Variants in PCDHGC3 observed in about 807,000 individuals in gnomAD.
PCDHGC3 encodes protocadherin gamma-C3.
Under a neutral mutation model 59.2 loss-of-function variants are expected in PCDHGC3, and 26 were observed. The observed-to-expected ratio is 0.44, with a 90% CI of 0.32 to 0.61. The LOEUF is 0.61. Ranked by LOEUF, PCDHGC3 falls within the 20% of genes least tolerant of loss-of-function variation. The pLI, the probability that PCDHGC3 is intolerant of heterozygous loss-of-function variation, is 0.05. For missense variants in PCDHGC3, 1,080 were observed against 1,221.8 expected (o/e 0.88, Z 1.73); for synonymous variants, 487 against 519.7 (o/e 0.94, Z 0.86).
At chr5:141,507,009 C>T (rs988626142) in intron 3 of PCDHGC3, 1 of 152,154 alleles carries the variant, frequency 6.6e-6, no homozygotes, top group South Asian at 2.1e-4. Context: ...ATGAGAGAAC[C>T]GAGAAGGCAC....
rs1156927948 is a variant in PCDHGC3, at chr5:141,490,342, G to A, written c.2431-4465G>A. 16 of 1,614,126 alleles carry A rather than the reference G, an allele frequency of 9.9e-6. 1 individual carries two copies. In the Admixed American group the frequency reaches 1.3e-4, roughly 13 times the overall value. ...CCTAGAGAGCACACCAGTGGGCACA[G>A]TAGTGGGGTTGTTTAATGTGCGAGA... On this transcript the variant is annotated intron_variant, in intron 1 of 3. Coordinates refer to ENST00000308177, the MANE Select transcript of PCDHGC3 (RefSeq NM_002588.4). This position sits in a 1 kb window ranked among gnomAD's most constrained non-coding sequence, Gnocchi z 5.4.
chr5:141,509,255 T>A (rs1434555633), intron 3 of PCDHGC3, among the ~76,000 whole-genome samples: 1 of 152,158 alleles, frequency 6.6e-6, no homozygotes, highest in African/African-American at 2.4e-5. Flanking sequence ...CCTCTCCGGC[T>A]TTAGTCACTC....
At chr5:141,510,315 G>A (rs2099880567) in intron 3 of PCDHGC3, among the ~76,000 whole-genome samples, 1 of 151,324 alleles carries the variant, frequency 6.6e-6, no homozygotes, top group African/African-American at 2.4e-5. Flanking sequence ...TGGAGGCTTG[G>A]AAGAGCACTC....
At chr5:141,494,979 T>C in intron 2 of PCDHGC3, 114 bp downstream of exon 2, 1 of 1,571,464 alleles carries the variant, frequency 6.4e-7, no homozygotes, top group Admixed American at 1.8e-5. Flanking sequence ...TCCCTCAGTT[T>C]GAGATCCCAG....
At chr5:141,509,887 T>C (rs138950510) in intron 3 of PCDHGC3, among the ~76,000 whole-genome samples, 1 of 152,314 alleles carries the variant, frequency 6.6e-6, no homozygotes, top group East Asian at 1.9e-4. Flanking sequence ...TGATGGTGAC[T>C]GACTGTCCCT....
Position 141,491,712 on chromosome 5 carries a change from G to C in PCDHGC3, c.2431-3095G>C. 3.1e-6 allele frequency: 5 copies of C among 1,609,408 alleles called. No individual in the cohort carries two copies. Among genetic ancestry groups the C allele is most frequent in the Middle Eastern group, 1.7e-4 (1 of 6,024 alleles). ...GGGAGCGGAGCCAGGTGAGGGGCTCGGCGCCGCCCCGGGCGACCCCTGGGG... is the reference window on the plus strand; with the variant it reads ...GGGAGCGGAGCCAGGTGAGGGGCTCCGCGCCGCCCCGGGCGACCCCTGGGG... On this transcript the variant is annotated intron_variant, in intron 1 of 3. Transcript: ENST00000308177. The surrounding 1 kb of genome is among the most constrained non-coding windows in gnomAD (Gnocchi z 6.9).
rs898536568 is a variant in PCDHGC3 at position 141,478,080 on chromosome 5, C to T, written c.1964C>T (p.Ser655Leu). The T allele has an allele frequency of 1.9e-6, 3 of 1,614,012 alleles. No homozygotes were observed. The Admixed American group carries it at 5.0e-5, about 27-fold the overall frequency. The stretch of plus-strand genomic sequence containing the variant: ...TTGATCAAAGACAATGGGGAGCCTT[C>T]GCTCTCCACCACTGCTACCCTCACT... ...TVLIKDNGEP[S>L]LSTTATLTVS... The change falls in exon 1 of 4, where the codon TCG (serine) becomes TTG (leucine). Residue 655 changes from serine (S) to leucine (L), a missense_variant. By Grantham distance (145) the Ser-to-Leu change is moderately radical. Coordinates refer to ENST00000308177, the MANE Select transcript of PCDHGC3 (RefSeq NM_002588.4).
At position 141,491,904 on chromosome 5, in the gene PCDHGC3, G is replaced by C; in HGVS notation, c.2431-2903G>C. The C allele has an allele frequency of 7.0e-7, 1 of 1,423,838 alleles. No individual in the cohort carries two copies. The allele number at this position is 1,423,838 out of a possible 1,614,324, so 88.2% of individuals were successfully genotyped here. ...GGATGGGGCTCCGAGCACCGGGGGT[G>C]GTGGCGACTGTGGGCGAGGGGAGGT... On this transcript the variant is annotated intron_variant, in intron 1 of 3. Coordinates refer to ENST00000308177, the MANE Select transcript of PCDHGC3 (RefSeq NM_002588.4). This position sits in a 1 kb window ranked among gnomAD's most constrained non-coding sequence, Gnocchi z 6.9.
intron 1 of PCDHGC3, among the ~76,000 whole-genome samples, chr5:141,483,557 G>A (rs141633312): frequency 4.5e-4 from 69 of 152,276 alleles, no homozygotes; most frequent in Admixed American, 1.9e-3. Context: ...GCCATTCACA[G>A]AGACAGTGAA....
Position 141,477,598 on chromosome 5 carries a change from C to A in PCDHGC3, c.1482C>A (p.Phe494Leu). The A allele has an allele frequency of 6.2e-7, 1 of 1,614,180 alleles. No homozygotes were observed. The highest frequency in any genetic ancestry group is 8.5e-7 in the Non-Finnish European group (1 of 1,180,030). ...PDAPQNARLS[F>L]FLLEQGAETG... ...CCCCGCAGAATGCTCGGCTTTCTTT[C>A]TTTCTCTTGGAGCAAGGAGCTGAAA... The change falls in exon 1 of 4, where the codon TTC becomes TTA. Residue 494 changes from phenylalanine (F) to leucine (L), a missense_variant. Transcript: ENST00000308177. This position sits in a 1 kb window ranked among gnomAD's most constrained non-coding sequence, Gnocchi z 4.9.
In PCDHGC3 at chr5:141,476,321, G is replaced by GT; in HGVS notation, c.206dup (p.Ser70ValfsTer4). ...CCTCTCAGCCCGCAGGTTCCGGGTG[G>GT]TGTCTGGAGCTAGCCGAAGATTCTT... On this transcript the variant is annotated frameshift_variant, in exon 1 of 4. Coordinates refer to ENST00000308177, the MANE Select transcript of PCDHGC3 (RefSeq NM_002588.4). LOFTEE classifies it high-confidence loss of function. The surrounding 1 kb of genome is among the most constrained non-coding windows in gnomAD (Gnocchi z 7.6). The GT allele has an allele frequency of 6.2e-7, 1 of 1,614,196 alleles. No individual in the cohort carries two copies. Among genetic ancestry groups the GT allele is most frequent in the Non-Finnish European group, 8.5e-7 (1 of 1,180,050 alleles).
chr5:141,499,401 C>A lies in PCDHGC3; in HGVS notation c.2489+4536C>A, dbSNP rs115575614. ...TTCCACTTATAAAATAGTACATGCTCATTATAGAAACATGAAAAATAGAAA... is the reference window on the plus strand; with the variant it reads ...TTCCACTTATAAAATAGTACATGCTAATTATAGAAACATGAAAAATAGAAA... On this transcript the variant is annotated intron_variant, in intron 2 of 3. Coordinates refer to ENST00000308177, the MANE Select transcript of PCDHGC3 (RefSeq NM_002588.4). Among the ~76,000 whole-genome samples, 871 of 152,186 alleles carry A rather than the reference C, an allele frequency of 5.7e-3. 5 individuals are homozygous for A. Among genetic ancestry groups the A allele is most frequent in the African/African-American group, 0.02 (847 of 41,502 alleles).
In PCDHGC3 at chr5:141,487,801, A is replaced by G. The variant is rs895741843; in HGVS notation, c.2431-7006A>G. The G allele has an allele frequency of 1.0e-5, 15 of 1,479,820 alleles. No individual in the cohort carries two copies. The highest frequency in any genetic ancestry group is 2.7e-6 in the Non-Finnish European group (3 of 1,095,672). The allele number at this position is 1,479,820 out of a possible 1,614,324, so 91.7% of individuals were successfully genotyped here. On this transcript the variant is annotated intron_variant, in intron 1 of 3. Coordinates refer to ENST00000308177, the MANE Select transcript of PCDHGC3 (RefSeq NM_002588.4). The surrounding 1 kb of genome is among the most constrained non-coding windows in gnomAD (Gnocchi z 5.0). ...GTTTCGTGAATTAACCAGAGTTGTC[A>G]CAGTTTAGCATTGGGGGCGGGTCAT... is the stretch of plus-strand genomic sequence containing the variant.
Position 141,512,106 on chromosome 5 carries a change from T to A in PCDHGC3, c.*933T>A, listed in dbSNP as rs2099884076. 6.6e-6 allele frequency: 1 copy of A among 152,630 alleles called. No homozygotes were observed. Among genetic ancestry groups the A allele is most frequent in the Non-Finnish European group, 1.5e-5 (1 of 68,060 alleles). 9.5% of individuals were successfully genotyped at this position (152,630 alleles called of 1,614,324 possible). On this transcript the variant is annotated 3_prime_UTR_variant, in exon 4 of 4. Transcript: ENST00000308177. ...TAAACCAATAACTAGGCTGGACCCT[T>A]CCCACTACATAATAGGGCTCAGCCC...
intron 2 of PCDHGC3, among the ~76,000 whole-genome samples, chr5:141,496,347 T>C (rs1168306693): frequency 6.6e-6 from 1 of 152,198 alleles, no homozygotes; most frequent in Non-Finnish European, 1.5e-5. Context: ...TGGAGGAGTC[T>C]CAGAGCCCAG....
At position 141,490,276 on chromosome 5, in the gene PCDHGC3, A is replaced by T; in HGVS notation, c.2431-4531A>T. 1 of 1,614,236 alleles carries T rather than the reference A, an allele frequency of 6.2e-7. No individual in the cohort carries two copies. Among genetic ancestry groups the T allele is most frequent in the Non-Finnish European group, 8.5e-7 (1 of 1,180,036 alleles). On this transcript the variant is annotated intron_variant, in intron 1 of 3. Transcript: ENST00000308177. This position sits in a 1 kb window ranked among gnomAD's most constrained non-coding sequence, Gnocchi z 5.4. ...AGTGGATGTGGGGGATGTCAATGACAATGCCCCAGAGGTGCTATTGGCCTC... is the reference window on the plus strand; with the variant it reads ...AGTGGATGTGGGGGATGTCAATGACTATGCCCCAGAGGTGCTATTGGCCTC...
intron 2 of PCDHGC3, 54 bp from the exon 3 acceptor site, chr5:141,505,339 G>A: frequency 1.2e-6 from 2 of 1,612,236 alleles, no homozygotes; most frequent in Middle Eastern, 3.4e-4. Flanking sequence ...GACAGGAGGG[G>A]CATGAGCTGT....
chr5:141,486,091 G>T lies in PCDHGC3; in HGVS notation c.2430+7545G>T. ...CTACTGGAAAGCTTACTCTTTTGGG[G>T]CCCCTAGACTTTGAGAGTGAGAATT... On this transcript the variant is annotated intron_variant, in intron 1 of 3. Coordinates refer to ENST00000308177, the MANE Select transcript of PCDHGC3 (RefSeq NM_002588.4). This position sits in a 1 kb window ranked among gnomAD's most constrained non-coding sequence, Gnocchi z 5.0. 1 of 1,614,158 alleles carries T rather than the reference G, an allele frequency of 6.2e-7. No homozygotes were observed. Among genetic ancestry groups the T allele is most frequent in the South Asian group, 1.1e-5 (1 of 91,078 alleles).
Position 141,486,407 on chromosome 5 carries a change from C to T in PCDHGC3, c.2430+7861C>T. The T allele has an allele frequency of 6.2e-7, 1 of 1,614,134 alleles. No individual in the cohort carries two copies. Among genetic ancestry groups the T allele is most frequent in the African/African-American group, 1.3e-5 (1 of 75,046 alleles). ...CCAGTTCTCCCTGGTGACTGCTGGA[C>T]CCTTGGATCGAGAGGCCAAATCTAG... On this transcript the variant is annotated intron_variant, in intron 1 of 3. Coordinates refer to ENST00000308177, the MANE Select transcript of PCDHGC3 (RefSeq NM_002588.4). This position sits in a 1 kb window ranked among gnomAD's most constrained non-coding sequence, Gnocchi z 5.0.
Sources: allele counts gnomAD v4.1 joint callset (sites outside exome capture counted in the v4.1 genomes callset), GRCh38; gene constraint gnomAD v4.1.1; non-coding constraint Gnocchi (gnomAD v3.1); transcripts MANE v1.5; gene names NCBI Gene and HGNC (gene_info 2026-07-23, HGNC 2026-07-21).